ARHGAP6: variants seen among roughly 807,000 people sequenced by gnomAD.
ARHGAP6 encodes the protein Rho GTPase activating protein 6, also known as rho GTPase-activating protein 6.
Under a neutral mutation model 55.7 loss-of-function variants are expected in ARHGAP6, and 16 were observed. That is an observed-to-expected ratio of 0.29 (90% CI 0.19 to 0.44). The LOEUF (loss-of-function observed/expected upper bound fraction) is 0.44. ARHGAP6 is among the 20% of genes least tolerant of loss of function. The probability of loss-of-function intolerance (pLI) is 1.00; values close to 1 mark genes in which losing one functional copy is unlikely to be tolerated. For missense variants in ARHGAP6, 698 were observed against 808.9 expected (o/e 0.86, Z 1.66); for synonymous variants, 382 against 360.9 (o/e 1.06, Z -0.66).
At chrX:11,663,014 G>A (rs2147211926) in intron 1 of ARHGAP6, among the ~76,000 whole-genome samples, 1 of 111,972 alleles carries the variant, frequency 8.9e-6, no homozygotes, top group Non-Finnish European at 1.9e-5. Flanking sequence ...CAAGAAAATG[G>A]GCAAAAGACC....
At chrX:11,184,875 G>A in intron 5 of ARHGAP6, among the ~76,000 whole-genome samples, 1 of 111,590 alleles carries the variant, frequency 9.0e-6, no homozygotes, top group African/African-American at 3.3e-5. Flanking sequence ...TCATTATTGT[G>A]CAAACACCAT....
intron 1 of ARHGAP6, among the ~76,000 whole-genome samples, chrX:11,659,874 G>C (rs1163493062): frequency 1.8e-5 from 2 of 112,084 alleles, no homozygotes; most frequent in East Asian, 5.6e-4. Context: ...GTCCAGAACT[G>C]TAAGACAATA....
At chrX:11,492,498 G>A (rs963449814) in intron 1 of ARHGAP6, among the ~76,000 whole-genome samples, 6 of 111,592 alleles carry the variant, frequency 5.4e-5, no homozygotes, top group South Asian at 3.8e-4. Context: ...AGTCCTATAC[G>A]TGCTGAGCAT....
At chrX:11,491,319 C>A (rs777355686) in intron 1 of ARHGAP6, among the ~76,000 whole-genome samples, 2 of 111,045 alleles carry the variant, frequency 1.8e-5, no homozygotes, top group South Asian at 7.8e-4. Flanking sequence ...CCCATTAACC[C>A]GTCATTTAGC....
intron 1 of ARHGAP6, among the ~76,000 whole-genome samples, chrX:11,357,177 A>T (rs2048941294): frequency 8.9e-6 from 1 of 111,982 alleles, no homozygotes. Flanking sequence ...GTTGTCTCTG[A>T]GTATTTCATT....
At position 11,417,059 on chromosome X, in the gene ARHGAP6, CATATATATATATATATATATATAT is replaced by C. The variant is rs768174897; in HGVS notation, c.589-162376_589-162353del. Among the ~76,000 whole-genome samples the C allele has an allele frequency of 1.6e-3, 53 of 33,359 alleles. 3 individuals carry two copies. The highest frequency in any genetic ancestry group is 2.8e-3 in the South Asian group (2 of 708). 29.0% of individuals were successfully genotyped at this position (33,359 alleles called of 115,157 possible). A position where few individuals can be genotyped will look rare whatever the true frequency, so the allele number is the denominator to read the frequency against. On this transcript the variant is annotated intron_variant, in intron 1 of 12. Coordinates refer to ENST00000337414, the MANE Select transcript of ARHGAP6 (RefSeq NM_013427.3). The stretch of plus-strand genomic sequence containing the variant: ...AGGATGTTCTTTATATGGGTGTGTA[CATATATATATATATATATATATAT>C]ATATATATATATATATATATATACA...
At chrX:11,190,460 GATAT>G (rs535056484) in intron 3 of ARHGAP6, among the ~76,000 whole-genome samples, 3 of 76,980 alleles carry the variant, frequency 3.9e-5, no homozygotes, top group African/African-American at 5.4e-5. Context: ...ACCCTGAGGA[GATAT>G]ATATATATAT....
intron 1 of ARHGAP6, among the ~76,000 whole-genome samples, chrX:11,609,059 C>T (rs989809102): frequency 1.8e-5 from 2 of 111,566 alleles, no homozygotes; most frequent in African/African-American, 3.3e-5. Context: ...GAATGCCCCG[C>T]GACTAGATAG....
At chrX:11,175,307 C>T (rs2046196398) in intron 8 of ARHGAP6, among the ~76,000 whole-genome samples, 1 of 112,167 alleles carries the variant, frequency 8.9e-6, no homozygotes, top group African/African-American at 3.2e-5. Context: ...TCACTGCTAA[C>T]GATTTCACGG....
chrX:11,449,188 T>C (rs2050121231), intron 1 of ARHGAP6, among the ~76,000 whole-genome samples: 1 of 111,921 alleles, frequency 8.9e-6, no homozygotes, highest in African/African-American at 3.3e-5. Context: ...CTCTTGAATC[T>C]ATACGTTTTA....
intron 1 of ARHGAP6, among the ~76,000 whole-genome samples, chrX:11,359,182 C>T (rs1383202822): frequency 8.9e-6 from 1 of 112,013 alleles, no homozygotes; most frequent in Non-Finnish European, 1.9e-5. Flanking sequence ...CCTCTGAGAG[C>T]TGATGGTATG....
At chrX:11,567,116 A>G (rs780337795) in intron 1 of ARHGAP6, among the ~76,000 whole-genome samples, 1 of 112,100 alleles carries the variant, frequency 8.9e-6, no homozygotes, top group South Asian at 3.8e-4. Flanking sequence ...ACAGCATTTC[A>G]TGAACAAGCC....
chrX:11,215,821 A>T (rs920561801), intron 2 of ARHGAP6, among the ~76,000 whole-genome samples: 1 of 112,513 alleles, frequency 8.9e-6, no homozygotes, highest in African/African-American at 3.2e-5. Flanking sequence ...CAGGCAGCAG[A>T]CAGTCAGCCC....
intron 1 of ARHGAP6, among the ~76,000 whole-genome samples, chrX:11,416,939 C>T (rs2049755175): frequency 9.5e-6 from 1 of 105,604 alleles, no homozygotes; most frequent in South Asian, 4.3e-4. Flanking sequence ...TAAACTCTGC[C>T]GTGTTTCAAT....
chrX:11,565,495 T>A (rs868372402), intron 1 of ARHGAP6, among the ~76,000 whole-genome samples: 1 of 112,250 alleles, frequency 8.9e-6, no homozygotes, highest in South Asian at 3.7e-4. Context: ...CTCACACAAA[T>A]GAGATATATT....
chrX:11,200,109 G>C (rs183467171), intron 2 of ARHGAP6, among the ~76,000 whole-genome samples: 4 of 112,482 alleles, frequency 3.6e-5, no homozygotes, highest in African/African-American at 1.3e-4. Flanking sequence ...GTGGTTAAAT[G>C]CCATTCTGTC....
intron 1 of ARHGAP6, among the ~76,000 whole-genome samples, chrX:11,371,412 A>T (rs960477714): frequency 8.9e-6 from 1 of 112,220 alleles, no homozygotes; most frequent in Admixed American, 9.4e-5. Flanking sequence ...ATGGTCAGAA[A>T]AGCCTAAAAT....
intron 1 of ARHGAP6, among the ~76,000 whole-genome samples, chrX:11,569,921 T>C (rs1264477109): frequency 8.9e-6 from 1 of 112,151 alleles, no homozygotes; most frequent in East Asian, 2.8e-4. Flanking sequence ...AGCCTAGGAA[T>C]GTTGTGAAAA....
intron 1 of ARHGAP6, among the ~76,000 whole-genome samples, chrX:11,529,164 A>T (rs1034757176): frequency 1.8e-5 from 2 of 111,688 alleles, no homozygotes; most frequent in South Asian, 3.8e-4. Flanking sequence ...GATAAATGCC[A>T]GCTATCAGCA....
Sources: gnomAD v4.1 joint callset for allele counts (sites outside exome capture counted in the v4.1 genomes callset) on GRCh38, gnomAD v4.1.1 for gene constraint, MANE v1.5 for transcripts, NCBI Gene and HGNC (gene_info 2026-07-23, HGNC 2026-07-21) for gene names.